Variants in DHRS12 observed in about 807,000 individuals in gnomAD.
The protein encoded by DHRS12 is dehydrogenase/reductase 12.
In DHRS12, 29 loss-of-function variants were observed where a neutral mutation model predicts 32.1. That is an observed-to-expected ratio of 0.90 (90% CI 0.67 to 1.23). The LOEUF is 1.23. Among genes scored for constraint, DHRS12 ranks in the 50% most tolerant of loss-of-function variants. The pLI is 0.00. For missense variants in DHRS12, 330 were observed against 337.2 expected (o/e 0.98, Z 0.17); for synonymous variants, 150 against 135.9 (o/e 1.10, Z -0.72).
chr13:51,789,794 A>G (rs1485625278), intron 4 of DHRS12: 22 of 985,350 alleles, frequency 2.2e-5, no homozygotes, highest in Non-Finnish European at 2.4e-5. Flanking sequence ...AAACACTTCA[A>G]TACTAAGTAT....
chr13:51,768,558 C>A, intron 8 of DHRS12: 1 of 1,337,986 alleles, frequency 7.5e-7, no homozygotes, highest in Non-Finnish European at 9.6e-7. Flanking sequence ...AGGGGTGCGG[C>A]CATCCTCCCG....
rs535434866 is a variant in DHRS12 at position 51,768,674 on chromosome 13, G to A, written c.698-378C>T. On this transcript the variant is annotated intron_variant, in intron 8 of 8. Coordinates refer to ENST00000444610, the MANE Select transcript of DHRS12 (RefSeq NM_001377533.1). ...GCAAAGAGCCTGGCTTCCACCCGAG[G>A]TCAAGTGCTGTCTTCGGATGGCGTC... 343 of 1,129,524 alleles carry A rather than the reference G, an allele frequency of 3.0e-4. 3 individuals are homozygous for A. In the African/African-American group the frequency reaches 4.0e-3, roughly 13 times the overall value. 70.0% of individuals were successfully genotyped at this position (1,129,524 alleles called of 1,614,324 possible).
At chr13:51,788,888 T>C (rs879345563) in intron 4 of DHRS12, among the ~76,000 whole-genome samples, 2 of 151,908 alleles carry the variant, frequency 1.3e-5, no homozygotes, top group Non-Finnish European at 2.9e-5. Context: ...TTTAGTAAAT[T>C]TGGGGACAAT....
At chr13:51,755,485 A>T in the DHRS12 span, 7 of 1,600,992 alleles carry the variant, frequency 4.4e-6, no homozygotes, top group Non-Finnish European at 6.0e-6. Context: ...GCTTCATCAA[A>T]ATGTAATTAT....
intron 2 of DHRS12, among the ~76,000 whole-genome samples, chr13:51,794,284 C>T (rs982882060): frequency 3.3e-5 from 5 of 152,190 alleles, no homozygotes; most frequent in Non-Finnish European, 4.4e-5. Context: ...CCATCTATAG[C>T]GGCTGTGTGA....
At chr13:51,767,865 C>T (rs539858916), downstream of DHRS12, 71 of 375,108 alleles carry the variant, frequency 1.9e-4, no homozygotes, top group Non-Finnish European at 8.1e-5. Flanking sequence ...CACAGGGGGG[C>T]ATTCCTGCTG....
chr13:51,758,417 GGCATGTGTCTGTAGTCCCA>G, the DHRS12 span: 2 of 632,708 alleles, frequency 3.2e-6, no homozygotes, highest in Non-Finnish European at 5.2e-6. Context: ...CGGCCATGGT[GGCATGTGTCTGTAGTCCCA>G]GCTACTCAGG....
chr13:51,798,439 A>T (rs1955605544), intron 2 of DHRS12, among the ~76,000 whole-genome samples: 1 of 152,194 alleles, frequency 6.6e-6, no homozygotes, highest in African/African-American at 2.4e-5. Context: ...CACCATCATC[A>T]ATCAAGGTCA....
intron 2 of DHRS12, among the ~76,000 whole-genome samples, chr13:51,792,459 G>C: frequency 6.6e-6 from 1 of 152,074 alleles, no homozygotes; most frequent in Non-Finnish European, 1.5e-5. Flanking sequence ...GAGTGCAGTG[G>C]CATGATTTTG....
rs576250064 is a variant in DHRS12, at chr13:51,795,244, C to T, written c.127-3987G>A. ...AACCATGCACGCAGGACCAGCTGCT[C>T]CACTGCCCTCACAGCTCTACCACAC... On this transcript the variant is annotated intron_variant, in intron 2 of 8. Coordinates refer to ENST00000444610, the MANE Select transcript of DHRS12 (RefSeq NM_001377533.1). 1.2e-3 allele frequency among the ~76,000 whole-genome samples: 178 copies of T among 152,286 alleles called. 1 individual carries two copies. Among genetic ancestry groups the T allele is most frequent in the Non-Finnish European group, 2.4e-3 (160 of 68,026 alleles).
intron 7 of DHRS12, chr13:51,771,076 C>T: frequency 6.9e-7 from 1 of 1,448,758 alleles, no homozygotes; most frequent in Non-Finnish European, 9.1e-7. Context: ...GTCTTAGCCT[C>T]TCTGGGCCTC....
chr13:51,766,870 G>A (rs531209087), downstream of DHRS12: 1 of 152,400 alleles, frequency 6.6e-6, no homozygotes, highest in Admixed American at 6.5e-5. Flanking sequence ...TTAGCCCTGT[G>A]GGTTCTGTCC....
chr13:51,769,170 CCG>C lies in DHRS12; in HGVS notation c.681_682del (p.Ser227ArgfsTer31). ...GAGGAAGTCACCTTGAAAGAAGCGG[CCG>C]CTGGGCTGTGCGGCTGCGGCAGAGG... On this transcript the variant is annotated frameshift_variant, in exon 8 of 9. Coordinates refer to ENST00000444610, the MANE Select transcript of DHRS12 (RefSeq NM_001377533.1). LOFTEE classifies it low-confidence loss of function (END_TRUNC). 6.4e-7 allele frequency: 1 copy of C among 1,551,004 alleles called. No homozygotes were observed.
In DHRS12 at chr13:51,782,429, A is replaced by G. The variant is rs1954756518; in HGVS notation, c.302-5308T>C. On this transcript the variant is annotated intron_variant, in intron 4 of 8. Transcript: ENST00000444610. This position sits in a 1 kb window ranked among gnomAD's most constrained non-coding sequence, Gnocchi z 4.2. The stretch of plus-strand genomic sequence containing the variant: ...TGGAATCACAGGTGGCTTGGAGGCC[A>G]TCGCGCTATGGGAGCACGGACAGCT... 6.6e-6 allele frequency among the ~76,000 whole-genome samples: 1 copy of G among 152,182 alleles called. No individual in the cohort carries two copies. Among genetic ancestry groups the G allele is most frequent in the Admixed American group, 6.5e-5 (1 of 15,282 alleles).
chr13:51,792,257 ATTT>A (rs1182514474), intron 2 of DHRS12, among the ~76,000 whole-genome samples: 1 of 151,920 alleles, frequency 6.6e-6, no homozygotes, highest in South Asian at 2.1e-4. Context: ...CCTAACAAAC[ATTT>A]TTTGTTTTTT....
intron 1 of DHRS12, among the ~76,000 whole-genome samples, chr13:51,802,807 C>T (rs896942131): frequency 6.6e-6 from 1 of 152,256 alleles, no homozygotes; most frequent in African/African-American, 2.4e-5. Flanking sequence ...GCCTTCCCCT[C>T]CCCTCCCTTC....
At chr13:51,773,554 C>T (rs893577912) in intron 6 of DHRS12, among the ~76,000 whole-genome samples, 10 of 151,926 alleles carry the variant, frequency 6.6e-5, no homozygotes, top group Non-Finnish European at 5.9e-5. Context: ...TTCAATGTGC[C>T]GCCCCTCCCA....
At chr13:51,803,822 G>C in intron 1 of DHRS12, 2 of 356,434 alleles carry the variant, frequency 5.6e-6, no homozygotes, top group Non-Finnish European at 4.9e-6. Context: ...CCACAGCCCC[G>C]CCCCTCGGGC....
chr13:51,763,802 A>C (rs1211041019), downstream of DHRS12: 1 of 152,028 alleles, frequency 6.6e-6, no homozygotes, highest in African/African-American at 2.4e-5. Context: ...TGAATAAATA[A>C]ACAAAAGTAT....
Sources: allele counts gnomAD v4.1 joint callset (sites outside exome capture counted in the v4.1 genomes callset), GRCh38; gene constraint gnomAD v4.1.1; non-coding constraint Gnocchi (gnomAD v3.1); transcripts MANE v1.5; gene names NCBI Gene and HGNC (gene_info 2026-07-23, HGNC 2026-07-21).